CSMD1: variants seen among roughly 807,000 people sequenced by gnomAD.
CSMD1 encodes the protein CUB and Sushi multiple domains 1.
In CSMD1, 213 loss-of-function variants were observed where a neutral mutation model predicts 417.5. The observed-to-expected ratio is 0.51, with a 90% CI of 0.46 to 0.57. The LOEUF (loss-of-function observed/expected upper bound fraction) is 0.57, where lower values mean the gene tolerates loss of function less well. CSMD1 is among the 20% of genes least tolerant of loss of function. The pLI, the probability that CSMD1 is intolerant of heterozygous loss-of-function variation, is 0.00. For missense variants in CSMD1, 6,923 were observed against 4,529.7 expected (o/e 1.53, Z -15.17); for synonymous variants, 2,862 against 1,736.8 (o/e 1.65, Z -16.11).
At chr8:3,423,384 T>A (rs1041521732) in intron 12 of CSMD1, among the ~76,000 whole-genome samples, 1 of 152,242 alleles carries the variant, frequency 6.6e-6, no homozygotes, top group African/African-American at 2.4e-5. Flanking sequence ...TCTGTCACCA[T>A]AGCTTTCTCT....
At chr8:4,200,400 T>A (rs1330772043) in intron 3 of CSMD1, among the ~76,000 whole-genome samples, 2 of 152,048 alleles carry the variant, frequency 1.3e-5, no homozygotes, top group Admixed American at 6.6e-5. Context: ...CAGAAAAAAA[T>A]TAATGAAAAT....
At chr8:3,883,217 T>G (rs1336802895) in intron 5 of CSMD1, among the ~76,000 whole-genome samples, 1 of 152,178 alleles carries the variant, frequency 6.6e-6, no homozygotes, top group Non-Finnish European at 1.5e-5. Context: ...ATACGTGTCC[T>G]TGAATGATTC....
chr8:3,604,874 G>A (rs1317407374), intron 8 of CSMD1, among the ~76,000 whole-genome samples: 1 of 152,092 alleles, frequency 6.6e-6, no homozygotes, highest in African/African-American at 2.4e-5. Context: ...CTACCTCCAC[G>A]CTCTGTGTTC....
intron 46 of CSMD1, among the ~76,000 whole-genome samples, chr8:3,097,309 A>T (rs1028700900): frequency 1.3e-5 from 2 of 152,200 alleles, no homozygotes; most frequent in Non-Finnish European, 2.9e-5. Context: ...GGGCAGATGC[A>T]TCCTGGATTT....
chr8:4,809,838 G>A (rs1372494479), intron 1 of CSMD1, among the ~76,000 whole-genome samples: 2 of 152,148 alleles, frequency 1.3e-5, no homozygotes, highest in Non-Finnish European at 2.9e-5. Flanking sequence ...CCACCTGCAT[G>A]TCTACAACTC....
intron 3 of CSMD1, among the ~76,000 whole-genome samples, chr8:4,178,785 C>A (rs1162735121): frequency 1.3e-5 from 2 of 151,958 alleles, no homozygotes; most frequent in African/African-American, 2.4e-5. Flanking sequence ...TATACACCAA[C>A]AAAAGACAAA....
At chr8:4,161,919 C>G (rs905775533) in intron 3 of CSMD1, among the ~76,000 whole-genome samples, 1 of 152,022 alleles carries the variant, frequency 6.6e-6, no homozygotes, top group Non-Finnish European at 1.5e-5. Flanking sequence ...AGTTCATATC[C>G]CTTTCGTTTA....
intron 2 of CSMD1, among the ~76,000 whole-genome samples, chr8:4,430,260 T>TA (rs1357960102): frequency 1.4e-4 from 21 of 152,264 alleles, no homozygotes; most frequent in African/African-American, 4.8e-4. Flanking sequence ...AGAAATTTTC[T>TA]AAAATCACAT....
At chr8:3,690,164 GC>G (rs1316496159) in intron 7 of CSMD1, among the ~76,000 whole-genome samples, 1 of 152,176 alleles carries the variant, frequency 6.6e-6, no homozygotes, top group African/African-American at 2.4e-5. Flanking sequence ...TTTGAGACCA[GC>G]CTGGGCAACA....
At chr8:4,941,308 GT>G (rs1286659236) in intron 1 of CSMD1, among the ~76,000 whole-genome samples, 1 of 151,988 alleles carries the variant, frequency 6.6e-6, no homozygotes, top group African/African-American at 2.4e-5. Flanking sequence ...AATATACTTT[GT>G]TTTTGTAAAG....
chr8:4,870,280 A>C (rs1460406580), intron 1 of CSMD1, among the ~76,000 whole-genome samples: 1 of 152,142 alleles, frequency 6.6e-6, no homozygotes, highest in African/African-American at 2.4e-5. Context: ...AACTTTTTAT[A>C]TATGGGTAAA....
chr8:3,031,993 CATAAT>C (rs1196870691), intron 50 of CSMD1, among the ~76,000 whole-genome samples: 1 of 140,586 alleles, frequency 7.1e-6, no homozygotes, highest in African/African-American at 2.6e-5. Context: ...TATATATACA[CATAAT>C]ATAATTATAT....
intron 5 of CSMD1, among the ~76,000 whole-genome samples, chr8:3,919,027 A>C (rs1368110336): frequency 6.6e-6 from 1 of 151,988 alleles, no homozygotes; most frequent in African/African-American, 2.4e-5. Context: ...ACACCTATGG[A>C]AATATTTTTA....
chr8:2,956,292 T>G (rs894372051), intron 63 of CSMD1, among the ~76,000 whole-genome samples: 2 of 152,058 alleles, frequency 1.3e-5, no homozygotes, highest in East Asian at 3.8e-4. Context: ...TTAATATAGA[T>G]TCTTATTTTC....
At chr8:4,987,702 T>C (rs970527199) in intron 1 of CSMD1, among the ~76,000 whole-genome samples, 1 of 152,188 alleles carries the variant, frequency 6.6e-6, no homozygotes, top group Non-Finnish European at 1.5e-5. Flanking sequence ...CCAAAAAAGA[T>C]TAACATTTGA....
rs551832846 is a variant in CSMD1, at chr8:4,037,125, T to C, written c.416-5026A>G. Among the ~76,000 whole-genome samples the C allele has an allele frequency of 9.2e-5, 14 of 152,378 alleles. No individual in the cohort carries two copies. The East Asian group carries it at 1.9e-3, about 21-fold the overall frequency. On this transcript the variant is annotated intron_variant, in intron 3 of 69. Transcript: ENST00000635120. Reference sequence around the variant, plus strand: ...GATAAATTATTTTACTTGTTTTTATTAATCTTTCTTAAGTGAATGTAGAGC... The same window carrying C: ...GATAAATTATTTTACTTGTTTTTATCAATCTTTCTTAAGTGAATGTAGAGC...
intron 11 of CSMD1, among the ~76,000 whole-genome samples, chr8:3,484,709 T>A (rs1817927499): frequency 6.6e-6 from 1 of 152,190 alleles, no homozygotes; most frequent in Non-Finnish European, 1.5e-5. Flanking sequence ...CACTAATATC[T>A]TGACTACACA....
intron 25 of CSMD1, among the ~76,000 whole-genome samples, chr8:3,295,662 G>T (rs190830924): frequency 6.6e-6 from 1 of 152,128 alleles, no homozygotes; most frequent in Non-Finnish European, 1.5e-5. Context: ...TCTCCCTTGG[G>T]ATTCTAACTG....
rs530553387 is a variant in CSMD1 at position 4,031,991 on chromosome 8, T to C, written c.524A>G (p.Tyr175Cys). 6.2e-6 allele frequency: 10 copies of C among 1,613,944 alleles called. No homozygotes were observed. Among genetic ancestry groups the C allele is most frequent in the Admixed American group, 3.3e-5 (2 of 60,012 alleles). The part of the protein sequence containing the change: ...DKIRYSCLPG[Y>C]ILEGHAILTC... The stretch of plus-strand genomic sequence containing the variant: ...CAGGATGGCGTGGCCTTCCAAGATG[T>C]AGCCAGGGAGGCAGCTGTACCGGAT... The change falls in exon 4 of 70, where the codon TAC becomes TGC. Residue 175 changes from tyrosine (Y) to cysteine (C), a missense_variant. By Grantham distance (194) the Tyr-to-Cys change is radical. Transcript: ENST00000635120.
Sources: gnomAD v4.1 joint callset for allele counts (sites outside exome capture counted in the v4.1 genomes callset) on GRCh38, gnomAD v4.1.1 for gene constraint, MANE v1.5 for transcripts, NCBI Gene and HGNC (gene_info 2026-07-23, HGNC 2026-07-21) for gene names.